The following CHD1L variants were observed in gnomAD, a reference collection of about 807,000 sequenced individuals.
CHD1L encodes the protein ATP-dependent chromatin remodeler CHD1L.
CHD1L carries 118 observed loss-of-function variants against 115.9 expected under a neutral mutation model. The ratio of observed to expected loss-of-function variants is 1.02; its 90% CI spans 0.88 to 1.19. The LOEUF is 1.19. CHD1L is among the 50% of genes most tolerant of loss of function. The pLI, the probability that CHD1L is intolerant of heterozygous loss-of-function variation, is 0.00. For missense variants in CHD1L, 1,179 were observed against 1,065.3 expected (o/e 1.11, Z -1.49); for synonymous variants, 411 against 387.1 (o/e 1.06, Z -0.72).
At chr1:147,176,149 G>A in the CHD1L span, 1 of 152,086 alleles carries the variant, frequency 6.6e-6, no homozygotes, top group Non-Finnish European at 1.5e-5. Flanking sequence ...CAAAATATAT[G>A]AGTTTATACA....
At chr1:147,207,332 T>C in the CHD1L span, among the ~76,000 whole-genome samples, 2 of 152,188 alleles carry the variant, frequency 1.3e-5, no homozygotes, top group African/African-American at 4.8e-5. Flanking sequence ...AGGTGAAGGA[T>C]ATATGGGTGC....
At chr1:147,247,058 A>C (rs1553934161) in intron 1 of CHD1L, among the ~76,000 whole-genome samples, 2 of 152,148 alleles carry the variant, frequency 1.3e-5, no homozygotes, top group African/African-American at 4.8e-5. Context: ...ATTTCCCTGG[A>C]GACTTCCTCT....
intron 1 of CHD1L, among the ~76,000 whole-genome samples, chr1:147,247,795 G>A (rs1667086444): frequency 6.6e-6 from 1 of 152,066 alleles, no homozygotes; most frequent in Non-Finnish European, 1.5e-5. Context: ...GCATCCAGAG[G>A]CTGCCCACAT....
the CHD1L span, among the ~76,000 whole-genome samples, chr1:147,209,445 A>AAG: frequency 6.6e-6 from 1 of 151,570 alleles, no homozygotes; most frequent in Admixed American, 6.6e-5. Context: ...CTCAAAAAAA[A>AAG]AAAAAAAAAG....
At chr1:147,274,308 G>A (rs1677427351) in intron 12 of CHD1L, among the ~76,000 whole-genome samples, 2 of 152,166 alleles carry the variant, frequency 1.3e-5, no homozygotes, top group Admixed American at 6.5e-5. Context: ...TAAGCACAGC[G>A]TAAGTGTCAT....
At chr1:147,199,643 G>A in the CHD1L span, among the ~76,000 whole-genome samples, 9 of 152,082 alleles carry the variant, frequency 5.9e-5, no homozygotes, top group African/African-American at 1.9e-4. Context: ...ACTGTTCTCC[G>A]CTTATGTAAT....
At chr1:147,288,431 C>T (rs1684258747) in intron 19 of CHD1L, among the ~76,000 whole-genome samples, 2 of 151,330 alleles carry the variant, frequency 1.3e-5, no homozygotes, top group South Asian at 4.2e-4. Context: ...TGGTGGCTCA[C>T]AGCTGTGATC....
chr1:147,184,984 A>G, the CHD1L span, among the ~76,000 whole-genome samples: 1 of 152,066 alleles, frequency 6.6e-6, no homozygotes, highest in Non-Finnish European at 1.5e-5. This position sits in a 1 kb window ranked among gnomAD's most constrained non-coding sequence, Gnocchi z 4.4. Context: ...GAATATATAT[A>G]TATTTTTGTA....
At chr1:147,212,494 A>G in the CHD1L span, 1 of 1,613,680 alleles carries the variant, frequency 6.2e-7, no homozygotes, top group African/African-American at 1.3e-5. Context: ...GGGTTCTTAT[A>G]GTCTCGACTG....
chr1:147,276,338 A>T, intron 14 of CHD1L, 81 bp downstream of exon 14: 3 of 1,126,630 alleles, frequency 2.7e-6, no homozygotes, highest in African/African-American at 2.3e-5. Flanking sequence ...AAGAACCAGC[A>T]CTCACCCTCT....
chr1:147,212,657 T>C, the CHD1L span: 1 of 897,382 alleles, frequency 1.1e-6, no homozygotes, highest in African/African-American at 1.7e-5. Flanking sequence ...TTCTCTTTAC[T>C]CAGCTACTTT....
At chr1:147,265,114 ATAT>A (rs1673367024) in intron 7 of CHD1L, among the ~76,000 whole-genome samples, 1 of 151,504 alleles carries the variant, frequency 6.6e-6, no homozygotes, top group African/African-American at 2.4e-5. Flanking sequence ...TATCCCTGTG[ATAT>A]TATCCTGGGA....
the CHD1L span, chr1:147,225,843 C>A: frequency 6.6e-6 from 1 of 152,146 alleles, no homozygotes; most frequent in South Asian, 2.1e-4. Flanking sequence ...TCGGCAGACT[C>A]GCGTCTTAAG....
At chr1:147,273,500 TCACTCTTC>T (rs1553954999) in intron 12 of CHD1L, among the ~76,000 whole-genome samples, 1 of 152,202 alleles carries the variant, frequency 6.6e-6, no homozygotes, top group East Asian at 1.9e-4. Flanking sequence ...TCATTTGGCC[TCACTCTTC>T]CAAGATCATA....
the CHD1L span, among the ~76,000 whole-genome samples, chr1:147,222,280 A>G: frequency 6.6e-6 from 1 of 152,200 alleles, no homozygotes; most frequent in Non-Finnish European, 1.5e-5. Context: ...AGGCATGAGA[A>G]TCACTTGAAC....
chr1:147,262,057 A>G (rs12743299), intron 6 of CHD1L, among the ~76,000 whole-genome samples: 102,939 of 151,672 alleles, frequency 0.68, 35,032 homozygotes, highest in African/African-American at 0.7. Flanking sequence ...TTAGCTGGGC[A>G]TGGTGGTGGG....
In CHD1L at chr1:147,266,064, A is replaced by C; in HGVS notation, c.872A>C (p.Lys291Thr). 6.2e-7 allele frequency: 1 copy of C among 1,611,578 alleles called. No homozygotes were observed. Among genetic ancestry groups the C allele is most frequent in the Non-Finnish European group, 8.5e-7 (1 of 1,179,110 alleles). Residue 291 changes from lysine to threonine, a missense_variant, in exon 8 of 23, where the codon AAG (lysine) becomes ACG (threonine). Lys to Thr is a moderately conservative substitution (Grantham distance 78). Coordinates refer to ENST00000369258, the MANE Select transcript of CHD1L (RefSeq NM_004284.6). ...GMSALQKKYYKAILMKDLDAF... is the reference protein window; with the variant it reads ...GMSALQKKYYTAILMKDLDAF... ...TCAGCATTGCAGAAGAAATACTACAAGGCCATTTTGATGAAAGACCTAGGT... is the reference window on the plus strand; with the variant it reads ...TCAGCATTGCAGAAGAAATACTACACGGCCATTTTGATGAAAGACCTAGGT...
intron 15 of CHD1L, among the ~76,000 whole-genome samples, chr1:147,281,285 A>G (rs1680748582): frequency 6.6e-6 from 1 of 151,966 alleles, no homozygotes; most frequent in Non-Finnish European, 1.5e-5. Flanking sequence ...GGTAACTTTT[A>G]TCTGTCTGAC....
intron 14 of CHD1L, among the ~76,000 whole-genome samples, chr1:147,279,215 A>G (rs980531612): frequency 6.6e-6 from 1 of 152,182 alleles, no homozygotes; most frequent in East Asian, 1.9e-4. Flanking sequence ...GACGATCTGG[A>G]GATAACCCAG....
Sources: gnomAD v4.1 joint callset for allele counts (sites outside exome capture counted in the v4.1 genomes callset) on GRCh38, gnomAD v4.1.1 for gene constraint, Gnocchi (gnomAD v3.1) non-coding constraint, MANE v1.5 for transcripts, NCBI Gene and HGNC (gene_info 2026-07-23, HGNC 2026-07-21) for gene names.